Variants in RNF157 observed in about 807,000 individuals in gnomAD.
RNF157 encodes E3 ubiquitin ligase RNF157.
Under a neutral mutation model 88.3 loss-of-function variants are expected in RNF157, and 55 were observed. That is an observed-to-expected ratio of 0.62 (90% confidence interval 0.50 to 0.78). The LOEUF (loss-of-function observed/expected upper bound fraction) is 0.78, where lower values mean the gene tolerates loss of function less well. RNF157 is among the 30% of genes least tolerant of loss of function. The pLI is 0.00. For synonymous variants in RNF157, 334 were observed against 341.2 expected (o/e 0.98, Z 0.23); for missense variants, 788 against 860.8 (o/e 0.92, Z 1.06).
At position 76,146,534 on chromosome 17, in the gene RNF157, G is replaced by C; in HGVS notation, c.1922-1181C>G. 1 of 985,458 alleles carries C rather than the reference G, an allele frequency of 1.0e-6. No individual in the cohort carries two copies. The highest frequency in any genetic ancestry group is 1.2e-6 in the Non-Finnish European group (1 of 829,924). 61.0% of individuals were successfully genotyped at this position (985,458 alleles called of 1,614,324 possible). ...GGGTCCCCTGGCTCCCTGGGGTAGG[G>C]AAGGCATGTCGTCCTCCGGACCCTG... On this transcript the variant is annotated intron_variant, in intron 18 of 18. Coordinates refer to ENST00000269391, the MANE Select transcript of RNF157 (RefSeq NM_052916.3). The surrounding 1 kb of genome is among the most constrained non-coding windows in gnomAD (Gnocchi z 4.2).
At chr17:76,170,888 A>T (rs181162200) in intron 3 of RNF157, among the ~76,000 whole-genome samples, 71 of 152,060 alleles carry the variant, frequency 4.7e-4, no homozygotes, top group African/African-American at 1.6e-3. Flanking sequence ...AATTTTTAAA[A>T]TTTTTTATTT....
chr17:76,228,298 C>T (rs1444437816), intron 1 of RNF157, among the ~76,000 whole-genome samples: 3 of 152,166 alleles, frequency 2.0e-5, no homozygotes, highest in Non-Finnish European at 4.4e-5. Context: ...GTCCCAACCC[C>T]AACCCTGTAC....
intron 3 of RNF157, among the ~76,000 whole-genome samples, chr17:76,168,744 G>A (rs1171684121): frequency 6.6e-6 from 1 of 152,068 alleles, no homozygotes; most frequent in African/African-American, 2.4e-5. Context: ...CTTTCATATC[G>A]GTGGAGCACG....
At chr17:76,158,748 C>T (rs1275239301) in intron 12 of RNF157, among the ~76,000 whole-genome samples, 2 of 152,020 alleles carry the variant, frequency 1.3e-5, no homozygotes, top group African/African-American at 4.8e-5. Context: ...TTGCCTGGCT[C>T]GAAACCCAAA....
intron 1 of RNF157, among the ~76,000 whole-genome samples, chr17:76,221,423 G>C (rs767321100): frequency 6.6e-6 from 1 of 152,088 alleles, no homozygotes; most frequent in Non-Finnish European, 1.5e-5. Context: ...ATTAATGAGA[G>C]TTCAAGGAGG....
Position 76,240,135 on chromosome 17 carries a change from G to GCGCC in RNF157, c.88+14_88+17dup, listed in dbSNP as rs966238808. On this transcript the variant is annotated intron_variant, in intron 1 of 18. Coordinates refer to ENST00000269391, the MANE Select transcript of RNF157 (RefSeq NM_052916.3). The surrounding 1 kb of genome is among the most constrained non-coding windows in gnomAD (Gnocchi z 4.4). ...GCCCCTCTCCCTCCTCGCGGCTGCG[G>GCGCC]CGCCCGCCCGCCCTCACCGGACTTG... 5 of 1,304,288 alleles carry GCGCC rather than the reference G, an allele frequency of 3.8e-6. No homozygotes were observed. Among genetic ancestry groups the GCGCC allele is most frequent in the East Asian group, 3.0e-5 (1 of 33,876 alleles). The allele number at this position is 1,304,288 out of a possible 1,614,324, so 80.8% of individuals were successfully genotyped here. A position where few individuals can be genotyped will look rare whatever the true frequency, so the allele number is the denominator to read the frequency against.
chr17:76,218,489 TAA>T (rs2069928270), intron 1 of RNF157, among the ~76,000 whole-genome samples: 1 of 151,288 alleles, frequency 6.6e-6, no homozygotes, highest in Admixed American at 6.6e-5. Flanking sequence ...ATAAAAAAAT[TAA>T]AAAGTTAGCC....
chr17:76,184,241 T>C (rs2069245393), intron 2 of RNF157, among the ~76,000 whole-genome samples: 1 of 151,494 alleles, frequency 6.6e-6, no homozygotes, highest in African/African-American at 2.4e-5. Flanking sequence ...GGGCAGACAT[T>C]TAATATTTAT....
At chr17:76,203,787 G>A (rs1260523245) in intron 2 of RNF157, among the ~76,000 whole-genome samples, 14 of 124,780 alleles carry the variant, frequency 1.1e-4, no homozygotes, top group African/African-American at 5.1e-4. Context: ...TTTTTTTTTG[G>A]GACGGAGTCT....
At chr17:76,172,239 G>T (rs573340596) in intron 3 of RNF157, among the ~76,000 whole-genome samples, 1 of 152,160 alleles carries the variant, frequency 6.6e-6, no homozygotes, top group Non-Finnish European at 1.5e-5. Context: ...GCTTGAGCCC[G>T]GGAAGTTAAG....
intron 12 of RNF157, 62 bp from the exon 13 acceptor site, chr17:76,158,563 G>A: frequency 1.7e-6 from 2 of 1,185,180 alleles, no homozygotes; most frequent in Non-Finnish European, 2.5e-6. Context: ...AGAACTTACT[G>A]CAAGGGGAGC....
intron 3 of RNF157, among the ~76,000 whole-genome samples, chr17:76,168,436 T>C (rs1361936317): frequency 2.0e-5 from 3 of 152,064 alleles, no homozygotes; most frequent in Admixed American, 6.5e-5. Context: ...CTATTTTTTT[T>C]TTTTTCTTCC....
intron 1 of RNF157, among the ~76,000 whole-genome samples, chr17:76,225,101 G>A (rs1319467703): frequency 6.6e-6 from 1 of 152,182 alleles, no homozygotes; most frequent in Non-Finnish European, 1.5e-5. Context: ...GAACCTGGGA[G>A]GCAGAGGCTG....
chr17:76,158,585 C>G, intron 12 of RNF157, 84 bp from the exon 13 acceptor site: 1 of 948,374 alleles, frequency 1.1e-6, no homozygotes, highest in Non-Finnish European at 1.7e-6. Flanking sequence ...GAGGGGAAAA[C>G]CCAAATATTT....
intron 1 of RNF157, among the ~76,000 whole-genome samples, chr17:76,214,087 GGTTA>G (rs2069848111): frequency 6.6e-6 from 1 of 152,162 alleles, no homozygotes; most frequent in African/African-American, 2.4e-5. Context: ...CTTTCTGGTT[GGTTA>G]GTTGGAAGCA....
At chr17:76,225,612 C>A in intron 1 of RNF157, 2 of 684,940 alleles carry the variant, frequency 2.9e-6, no homozygotes, top group Non-Finnish European at 4.5e-6. Context: ...GCATCTATGT[C>A]TGTATTTATG....
chr17:76,157,628 T>C lies in RNF157; in HGVS notation c.1413+765A>G, dbSNP rs1012227258. ...CTTCTTTTTTATAAAATTTACTTAG[T>C]CATTGAACAAATACTTACTGAGCAA... On this transcript the variant is annotated intron_variant, in intron 13 of 18. Coordinates refer to ENST00000269391, the MANE Select transcript of RNF157 (RefSeq NM_052916.3). The surrounding 1 kb of genome is among the most constrained non-coding windows in gnomAD (Gnocchi z 5.6). Among the ~76,000 whole-genome samples, 3 of 152,218 alleles carry C rather than the reference T, an allele frequency of 2.0e-5. No homozygotes were observed. Among genetic ancestry groups the C allele is most frequent in the Non-Finnish European group, 2.9e-5 (2 of 68,034 alleles).
Position 76,167,702 on chromosome 17 carries a change from G to C in RNF157, c.392C>G (p.Ala131Gly). Residue 131 changes from alanine (A) to glycine (G), a missense_variant, in exon 4 of 19, where the codon GCC (alanine) becomes GGC (glycine). Transcript: ENST00000269391. ...CGTGGCCTGGTAATAGATGGTGATG[G>C]CTACCCGAGCATCTGTGTCAAAGGT... ...EFTFDTDARV[A>G]ITIYYQATEE... 6.2e-7 allele frequency: 1 copy of C among 1,614,176 alleles called. No individual in the cohort carries two copies.
rs140189005 is a variant in RNF157, at chr17:76,158,429, C to T, written c.1377G>A (p.Gln459=). 1.9e-6 allele frequency: 3 copies of T among 1,613,644 alleles called. No individual in the cohort carries two copies. Among genetic ancestry groups the T allele is most frequent in the Non-Finnish European group, 1.7e-6 (2 of 1,179,800 alleles). ...GCTGAACCGACGGTCTCTGAGAGAG[C>T]TGTGTCTCCGACTCGCTGCAGGAAT... The part of the protein sequence containing the change: ...DEHSCSESET[Q]LSQRPSVQHL... Residue 459 remains glutamine, a synonymous_variant, in exon 13 of 19, where the codon CAG becomes CAA. Transcript: ENST00000269391.
Sources: allele counts gnomAD v4.1 joint callset (sites outside exome capture counted in the v4.1 genomes callset), GRCh38; gene constraint gnomAD v4.1.1; non-coding constraint Gnocchi (gnomAD v3.1); transcripts MANE v1.5; gene names NCBI Gene and HGNC (gene_info 2026-07-23, HGNC 2026-07-21).